Variants in EPN2 observed in about 807,000 individuals in gnomAD.
EPN2 encodes epsin 2, also known as epsin-2.
EPN2 carries 34 observed loss-of-function variants against 61.7 expected under a neutral mutation model. That is an observed-to-expected ratio of 0.55 (90% CI 0.42 to 0.73). The LOEUF (loss-of-function observed/expected upper bound fraction) is 0.73. EPN2 is among the 30% of genes least tolerant of loss of function. The probability of loss-of-function intolerance (pLI) is 0.00; values close to 1 mark genes in which losing one functional copy is unlikely to be tolerated. For synonymous variants in EPN2, 349 were observed against 353.6 expected, an observed-to-expected ratio of 0.99 and a Z score of 0.15; for missense variants, 714 against 839.2, an observed-to-expected ratio of 0.85 and a Z score of 1.84.
chr17:19,303,522 T>A (rs1351738321), intron 4 of EPN2, among the ~76,000 whole-genome samples: 3 of 152,220 alleles, frequency 2.0e-5, no homozygotes, highest in Non-Finnish European at 4.4e-5. Flanking sequence ...CACCCTGAGC[T>A]TCCTGAGAAC....
At chr17:19,316,539 G>T (rs1042493568) in intron 7 of EPN2, among the ~76,000 whole-genome samples, 5 of 152,228 alleles carry the variant, frequency 3.3e-5, no homozygotes, top group Non-Finnish European at 7.3e-5. Context: ...GCATGTCCTG[G>T]AAAAGTCACC....
rs952069977 is a variant in EPN2 at position 19,312,929 on chromosome 17, G to C, written c.973-176G>C. 9 of 641,668 alleles carry C rather than the reference G, an allele frequency of 1.4e-5. No homozygotes were observed. In the African/African-American group the frequency reaches 1.5e-4, roughly 11 times the overall value. 39.7% of individuals were successfully genotyped at this position (641,668 alleles called of 1,614,324 possible). A position where few individuals can be genotyped will look rare whatever the true frequency, so the allele number is the denominator to read the frequency against. ...CAGTAAATAGCTTGTTGTGACTGGA[G>C]AGCTGGCTGGACGGGGAGGGAGATG... On this transcript the variant is annotated intron_variant, in intron 6 of 10. Transcript: ENST00000314728.
At chr17:19,245,088 C>T (rs2044930492) in intron 1 of EPN2, among the ~76,000 whole-genome samples, 2 of 152,140 alleles carry the variant, frequency 1.3e-5, no homozygotes, top group African/African-American at 2.4e-5. Flanking sequence ...TTCAGTCCCA[C>T]ACCTGTCTGA....
intron 10 of EPN2, among the ~76,000 whole-genome samples, chr17:19,332,441 T>G (rs1298832060): frequency 2.6e-5 from 4 of 152,034 alleles, no homozygotes; most frequent in Non-Finnish European, 5.9e-5. Context: ...CATTCCTCTC[T>G]CGGGAAAAAT....
intron 4 of EPN2, among the ~76,000 whole-genome samples, chr17:19,300,154 G>A (rs1488095950): frequency 6.6e-6 from 1 of 152,156 alleles, no homozygotes; most frequent in Non-Finnish European, 1.5e-5. Context: ...CCGGAGAAGC[G>A]GAGGGGCCAA....
intron 8 of EPN2, chr17:19,329,089 T>C (rs1907040647): frequency 3.8e-6 from 2 of 524,328 alleles, no homozygotes; most frequent in African/African-American, 1.9e-5. Context: ...CTTTGTGCGC[T>C]GGTACCTCCC....
chr17:19,312,405 G>A (rs556090085), intron 6 of EPN2, among the ~76,000 whole-genome samples: 22 of 152,334 alleles, frequency 1.4e-4, no homozygotes, highest in South Asian at 6.2e-4. Context: ...GCCTCCTGCC[G>A]CTGTGGCTAC....
chr17:19,291,975 AC>A (rs769135778), intron 4 of EPN2, among the ~76,000 whole-genome samples: 2 of 152,198 alleles, frequency 1.3e-5, no homozygotes, highest in Non-Finnish European at 2.9e-5. Flanking sequence ...ATGTGCACTT[AC>A]ACCAGACATG....
chr17:19,308,011 C>T (rs1262633510), intron 4 of EPN2: 1 of 984,816 alleles, frequency 1.0e-6, no homozygotes, highest in East Asian at 1.1e-4. Flanking sequence ...TGAATGAATC[C>T]TGCTAGTTAG....
intron 7 of EPN2, among the ~76,000 whole-genome samples, chr17:19,319,989 G>A (rs1906569876): frequency 6.6e-6 from 1 of 152,362 alleles, no homozygotes; most frequent in East Asian, 1.9e-4. Context: ...GCCTGGGTGT[G>A]CAGCGGCTGA....
At chr17:19,328,312 G>T (rs1906992113) in intron 7 of EPN2, among the ~76,000 whole-genome samples, 1 of 152,160 alleles carries the variant, frequency 6.6e-6, no homozygotes, top group Non-Finnish European at 1.5e-5. Context: ...GCTGCCTGGG[G>T]CCCCTTGTCT....
chr17:19,241,563 C>T (rs1042233849), intron 1 of EPN2, among the ~76,000 whole-genome samples: 5 of 134,644 alleles, frequency 3.7e-5, no homozygotes, highest in African/African-American at 8.5e-5. Context: ...TCCAGCTTGG[C>T]GACAGAGCAA....
intron 1 of EPN2, among the ~76,000 whole-genome samples, chr17:19,262,202 G>C (rs1049728739): frequency 1.3e-5 from 2 of 149,820 alleles, no homozygotes; most frequent in East Asian, 4.0e-4. Flanking sequence ...AAACAGGCCA[G>C]GTGCAGTGGC....
chr17:19,273,751 G>T (rs2045278921), intron 1 of EPN2, among the ~76,000 whole-genome samples: 1 of 152,184 alleles, frequency 6.6e-6, no homozygotes, highest in Non-Finnish European at 1.5e-5. Context: ...TTTTTTGGCT[G>T]AATCTCACTG....
intron 1 of EPN2, among the ~76,000 whole-genome samples, chr17:19,263,732 T>C (rs547840215): frequency 1.3e-4 from 20 of 152,344 alleles, no homozygotes; most frequent in African/African-American, 4.8e-4. Context: ...ATTATAGCTG[T>C]CACCTTGGTG....
intron 7 of EPN2, among the ~76,000 whole-genome samples, chr17:19,318,972 A>C (rs1399603616): frequency 6.6e-6 from 1 of 152,140 alleles, no homozygotes; most frequent in South Asian, 2.1e-4. Flanking sequence ...CAAGTTTGGC[A>C]GATCACATGA....
intron 1 of EPN2, among the ~76,000 whole-genome samples, chr17:19,256,778 A>G (rs1299321192): frequency 6.6e-6 from 1 of 152,130 alleles, no homozygotes; most frequent in Non-Finnish European, 1.5e-5. Flanking sequence ...CAGCTTTGTA[A>G]CAGGGTCTTC....
At chr17:19,292,745 A>G (rs1754158032) in intron 4 of EPN2, among the ~76,000 whole-genome samples, 1 of 152,262 alleles carries the variant, frequency 6.6e-6, no homozygotes, top group South Asian at 2.1e-4. Context: ...CAACACAACC[A>G]GAAGGCATCT....
At chr17:19,239,804 G>A (rs1043655050) in intron 1 of EPN2, among the ~76,000 whole-genome samples, 1 of 152,188 alleles carries the variant, frequency 6.6e-6, no homozygotes, top group Non-Finnish European at 1.5e-5. Context: ...CACTCGAGGT[G>A]TGAAGAAATG....
Sources: allele counts gnomAD v4.1 joint callset (sites outside exome capture counted in the v4.1 genomes callset), GRCh38; gene constraint gnomAD v4.1.1; transcripts MANE v1.5; gene names NCBI Gene and HGNC (gene_info 2026-07-23, HGNC 2026-07-21).